SPATA6: variants seen among roughly 807,000 people sequenced by gnomAD.
The protein encoded by SPATA6 is spermatogenesis-associated protein 6.
In SPATA6, 56 loss-of-function variants were observed where a neutral mutation model predicts 65.3. The observed-to-expected ratio is 0.86, with a 90% CI of 0.69 to 1.07. The LOEUF (loss-of-function observed/expected upper bound fraction) is 1.07, where lower values mean the gene tolerates loss of function less well. Among genes scored for constraint, SPATA6 ranks in the 50% least tolerant of loss-of-function variants. The probability of loss-of-function intolerance (pLI) is 0.00; values close to 1 mark genes in which losing one functional copy is unlikely to be tolerated. For synonymous variants in SPATA6, 199 were observed against 213.2 expected (o/e 0.93, Z 0.58); for missense variants, 590 against 594.8 (o/e 0.99, Z 0.08).
chr1:48,358,281 A>G (rs1646712378), intron 10 of SPATA6, among the ~76,000 whole-genome samples: 1 of 152,182 alleles, frequency 6.6e-6, no homozygotes, highest in South Asian at 2.1e-4. Context: ...CTAGAGTGGT[A>G]GGTTTACAAT....
At chr1:48,324,598 A>G (rs1310697867) in intron 11 of SPATA6, among the ~76,000 whole-genome samples, 1 of 152,160 alleles carries the variant, frequency 6.6e-6, no homozygotes, top group Non-Finnish European at 1.5e-5. Flanking sequence ...AAAATCATAT[A>G]ACCATTTCAA....
intron 9 of SPATA6, among the ~76,000 whole-genome samples, chr1:48,373,378 C>T (rs1647515339): frequency 6.6e-6 from 1 of 152,188 alleles, no homozygotes; most frequent in Non-Finnish European, 1.5e-5. Context: ...TTCTCATCTC[C>T]ATCTGAGACC....
At chr1:48,377,058 C>G (rs536646002) in intron 9 of SPATA6, among the ~76,000 whole-genome samples, 1 of 152,060 alleles carries the variant, frequency 6.6e-6, no homozygotes, top group African/African-American at 2.4e-5. Context: ...AATATCTCTA[C>G]GGCTATCACC....
intron 9 of SPATA6, among the ~76,000 whole-genome samples, chr1:48,371,739 C>A (rs1207683231): frequency 6.6e-6 from 1 of 152,126 alleles, no homozygotes. Context: ...TAAAGACACA[C>A]ACGAGACTGG....
intron 10 of SPATA6, among the ~76,000 whole-genome samples, chr1:48,358,613 G>A (rs910323326): frequency 6.6e-6 from 1 of 152,050 alleles, no homozygotes; most frequent in Non-Finnish European, 1.5e-5. Context: ...ATACTGAGAT[G>A]CAAGTTATCA....
intron 3 of SPATA6, among the ~76,000 whole-genome samples, chr1:48,423,392 G>T (rs1345965794): frequency 6.6e-6 from 1 of 150,722 alleles, no homozygotes; most frequent in African/African-American, 2.4e-5. Context: ...GGAGGTGGAG[G>T]TTGCCTTGAG....
chr1:48,393,272 T>C (rs776945734), intron 8 of SPATA6: 2 of 152,172 alleles, frequency 1.3e-5, no homozygotes, highest in Admixed American at 1.3e-4. Context: ...TGTGATGCAC[T>C]GAGAGTAACA....
chr1:48,400,752 G>A, intron 6 of SPATA6: 1 of 1,284,574 alleles, frequency 7.8e-7, no homozygotes, highest in Non-Finnish European at 1.0e-6. Flanking sequence ...TAGGGCAATG[G>A]TCTATGCATT....
intron 7 of SPATA6, among the ~76,000 whole-genome samples, chr1:48,396,337 T>C (rs1166800022): frequency 6.6e-6 from 1 of 151,752 alleles, no homozygotes; most frequent in Non-Finnish European, 1.5e-5. Context: ...TCTCAAACAA[T>C]TTAAAACAGA....
intron 3 of SPATA6, among the ~76,000 whole-genome samples, chr1:48,432,799 A>G (rs1654527838): frequency 6.6e-6 from 1 of 152,238 alleles, no homozygotes; most frequent in South Asian, 2.1e-4. Context: ...AAGCATGGAA[A>G]GTAGGATCAC....
intron 9 of SPATA6, among the ~76,000 whole-genome samples, chr1:48,377,563 A>G (rs1274874042): frequency 6.6e-6 from 1 of 152,180 alleles, no homozygotes; most frequent in Non-Finnish European, 1.5e-5. Flanking sequence ...TCAAAGCATT[A>G]TGTATGTCCT....
chr1:48,453,139 A>C lies in SPATA6; in HGVS notation c.52-8T>G. On this transcript the variant is annotated splice_polypyrimidine_tract_variant and splice_region_variant and intron_variant, in intron 1 of 12. Coordinates refer to ENST00000371847, the MANE Select transcript of SPATA6 (RefSeq NM_019073.4). ...GACTCCTGGGCAAGTTACCTGAAAG[A>C]AATTAGATAAAATGGATGTAACTGC... The C allele has an allele frequency of 1.2e-6, 2 of 1,607,108 alleles. No homozygotes were observed. Among genetic ancestry groups the C allele is most frequent in the Non-Finnish European group, 1.7e-6 (2 of 1,177,898 alleles).
At chr1:48,393,373 CA>C (rs1247227594) in intron 8 of SPATA6, 1 of 152,036 alleles carries the variant, frequency 6.6e-6, no homozygotes, top group Non-Finnish European at 1.5e-5. Flanking sequence ...GAACATTCTA[CA>C]AAATAGCTGG....
chr1:48,330,598 T>C (rs539120132), intron 11 of SPATA6, among the ~76,000 whole-genome samples: 1 of 152,318 alleles, frequency 6.6e-6, no homozygotes, highest in South Asian at 2.1e-4. Context: ...CCCCTGCCAA[T>C]CATAGCCAGG....
the SPATA6 span, among the ~76,000 whole-genome samples, chr1:48,279,249 G>A: frequency 2.8e-4 from 43 of 152,166 alleles, no homozygotes; most frequent in African/African-American, 9.4e-4. Flanking sequence ...AAAGACCATC[G>A]AGGCTAGGAA....
intron 3 of SPATA6, among the ~76,000 whole-genome samples, chr1:48,430,744 GT>G (rs1179101912): frequency 2.6e-5 from 4 of 151,960 alleles, no homozygotes; most frequent in Non-Finnish European, 5.9e-5. Context: ...AATCCTCATG[GT>G]AACCACAATG....
At chr1:48,340,203 A>G (rs534611986) in intron 11 of SPATA6, among the ~76,000 whole-genome samples, 1 of 150,494 alleles carries the variant, frequency 6.6e-6, no homozygotes, top group South Asian at 2.1e-4. Context: ...ACTAAAGACA[A>G]TTAAAGATGA....
chr1:48,304,399 A>C (rs1319577511), intron 12 of SPATA6, among the ~76,000 whole-genome samples: 1 of 152,228 alleles, frequency 6.6e-6, no homozygotes, highest in African/African-American at 2.4e-5. Flanking sequence ...TAGCTGAAAA[A>C]AGAACCAATA....
In SPATA6 at chr1:48,439,075, A is replaced by G. The variant is rs144522185; in HGVS notation, c.238+12477T>C. The stretch of plus-strand genomic sequence containing the variant: ...TCCCTCCCTCAGGGTATGGCCCTCC[A>G]CTTCATTTTTGGGGCATAACATCTT... On this transcript the variant is annotated intron_variant, in intron 3 of 12. Coordinates refer to ENST00000371847, the MANE Select transcript of SPATA6 (RefSeq NM_019073.4). Among the ~76,000 whole-genome samples the G allele has an allele frequency of 0.02, 2,989 of 152,126 alleles. 121 individuals carry two copies. In the East Asian group the frequency reaches 0.2, roughly 10 times the overall value.
Sources: gnomAD v4.1 joint callset for allele counts (sites outside exome capture counted in the v4.1 genomes callset) on GRCh38, gnomAD v4.1.1 for gene constraint, MANE v1.5 for transcripts, NCBI Gene and HGNC (gene_info 2026-07-23, HGNC 2026-07-21) for gene names.